The following WSCD2 variants were observed in gnomAD, a reference collection of about 807,000 sequenced individuals.
The protein encoded by WSCD2 is sialate:O-sulfotransferase 2.
Under a neutral mutation model 55.7 loss-of-function variants are expected in WSCD2, and 28 were observed. The observed-to-expected ratio is 0.50, with a 90% CI of 0.37 to 0.69. The LOEUF (loss-of-function observed/expected upper bound fraction) is 0.69, where lower values mean the gene tolerates loss of function less well. Ranked by LOEUF, WSCD2 falls within the 30% of genes least tolerant of loss-of-function variation. WSCD2 has a pLI of 0.00. For missense variants in WSCD2, 616 were observed against 762.1 expected, an observed-to-expected ratio of 0.81 and a Z score of 2.26; for synonymous variants, 301 against 301.9, an observed-to-expected ratio of 1.00 and a Z score of 0.03.
chr12:108,166,761 T>TTTCTTTTC (rs10680980), intron 1 of WSCD2, among the ~76,000 whole-genome samples: 3 of 124,886 alleles, frequency 2.4e-5, no homozygotes, highest in South Asian at 5.5e-4. Flanking sequence ...TCTTTCTTTC[T>TTTCTTTTC]TTTCTTTCTT....
chr12:108,215,950 G>A (rs1011676378), intron 4 of WSCD2, among the ~76,000 whole-genome samples: 5 of 152,330 alleles, frequency 3.3e-5, no homozygotes, highest in African/African-American at 1.2e-4. Flanking sequence ...CTGAGGTCAT[G>A]TACCATCCCA....
At chr12:108,166,621 G>A (rs567181305) in intron 1 of WSCD2, among the ~76,000 whole-genome samples, 1 of 152,080 alleles carries the variant, frequency 6.6e-6, no homozygotes, top group Non-Finnish European at 1.5e-5. Flanking sequence ...TTCTTACGGA[G>A]GTGATGATGT....
chr12:108,241,509 G>C (rs1347484420), intron 8 of WSCD2, among the ~76,000 whole-genome samples: 1 of 152,148 alleles, frequency 6.6e-6, no homozygotes, highest in Non-Finnish European at 1.5e-5. Context: ...TGATAGATGG[G>C]ATAACCTAGG....
At chr12:108,140,517 G>A (rs996554826) in intron 1 of WSCD2, among the ~76,000 whole-genome samples, 4 of 152,230 alleles carry the variant, frequency 2.6e-5, no homozygotes, top group South Asian at 2.1e-4. Context: ...CTGTCTGTCC[G>A]CCTGATTTTG....
At chr12:108,185,941 G>T (rs191650375) in intron 1 of WSCD2, among the ~76,000 whole-genome samples, 4 of 152,334 alleles carry the variant, frequency 2.6e-5, no homozygotes, top group Admixed American at 2.6e-4. Flanking sequence ...TCTTGGGGAA[G>T]AAAGTGATCT....
intron 1 of WSCD2, among the ~76,000 whole-genome samples, chr12:108,172,865 G>A (rs1880377911): frequency 6.6e-6 from 1 of 152,194 alleles, no homozygotes; most frequent in Non-Finnish European, 1.5e-5. Flanking sequence ...GTGCTATGGT[G>A]TGAAAGTTTG....
At chr12:108,215,804 A>G (rs1340584279) in intron 4 of WSCD2, among the ~76,000 whole-genome samples, 2 of 152,172 alleles carry the variant, frequency 1.3e-5, no homozygotes, top group East Asian at 3.8e-4. Context: ...CATTTTTGTG[A>G]AGCTCCAGAA....
intron 1 of WSCD2, among the ~76,000 whole-genome samples, chr12:108,168,744 G>A (rs373148365): frequency 1.2e-4 from 18 of 152,210 alleles, no homozygotes; most frequent in African/African-American, 3.9e-4. Context: ...GGAAAAACAA[G>A]CCTGTGACAT....
At chr12:108,158,576 G>T (rs1878757299) in intron 1 of WSCD2, among the ~76,000 whole-genome samples, 1 of 152,122 alleles carries the variant, frequency 6.6e-6, no homozygotes, top group African/African-American at 2.4e-5. Flanking sequence ...GTGATCTCAG[G>T]TAAGTTGCTT....
At chr12:108,234,000 A>G (rs1889042192) in intron 7 of WSCD2, among the ~76,000 whole-genome samples, 1 of 152,154 alleles carries the variant, frequency 6.6e-6, no homozygotes, top group African/African-American at 2.4e-5. Context: ...CACAAATTAG[A>G]GATAAGAGTA....
intron 1 of WSCD2, among the ~76,000 whole-genome samples, chr12:108,151,056 C>T (rs927334468): frequency 1.3e-5 from 2 of 151,962 alleles, no homozygotes; most frequent in African/African-American, 4.8e-5. Context: ...GGTCAGCACT[C>T]GAGCTTCCCT....
intron 8 of WSCD2, among the ~76,000 whole-genome samples, chr12:108,242,470 C>A (rs181617386): frequency 3.5e-4 from 54 of 152,200 alleles, no homozygotes; most frequent in African/African-American, 1.3e-3. Context: ...CTTGTCAAAG[C>A]TGGAAAAGAC....
chr12:108,207,077 C>G (rs1227706917), intron 3 of WSCD2, among the ~76,000 whole-genome samples: 1 of 150,926 alleles, frequency 6.6e-6, no homozygotes, highest in Admixed American at 6.6e-5. Flanking sequence ...ATTAGACATG[C>G]ACTGGGACTA....
intron 8 of WSCD2, among the ~76,000 whole-genome samples, chr12:108,243,056 C>T (rs1269073609): frequency 1.3e-5 from 2 of 152,214 alleles, no homozygotes; most frequent in Non-Finnish European, 2.9e-5. Flanking sequence ...TCCACTCAGC[C>T]CATTCTTCCC....
intron 8 of WSCD2, among the ~76,000 whole-genome samples, chr12:108,242,843 A>G (rs7970625): frequency 0.24 from 35,825 of 152,164 alleles, 5,368 homozygotes; most frequent in African/African-American, 0.41. Context: ...TACTAAGGAA[A>G]GAGTCAGAAC....
At chr12:108,162,315 G>A (rs965499440) in intron 1 of WSCD2, among the ~76,000 whole-genome samples, 1 of 152,134 alleles carries the variant, frequency 6.6e-6, no homozygotes, top group African/African-American at 2.4e-5. Context: ...TTCATAGGGA[G>A]GAGTCACCAA....
rs532180710 is a variant in WSCD2, at chr12:108,243,118, T to C, written c.1345+2574T>C. On this transcript the variant is annotated intron_variant, in intron 8 of 8. Transcript: ENST00000547525. ...AGACACTTGAGTTTGAGACCCTTGCTTTAAGGTCCTGAATCAGTGGCATCA... is the reference window on the plus strand; with the variant it reads ...AGACACTTGAGTTTGAGACCCTTGCCTTAAGGTCCTGAATCAGTGGCATCA... Among the ~76,000 whole-genome samples, 363 of 152,350 alleles carry C rather than the reference T, an allele frequency of 2.4e-3. 3 individuals carry two copies. The highest frequency in any genetic ancestry group is 8.2e-3 in the African/African-American group (341 of 41,576).
In WSCD2 at chr12:108,240,556, G is replaced by C. The variant is rs1389892001; in HGVS notation, c.1345+12G>C. On this transcript the variant is annotated intron_variant, in intron 8 of 8. Transcript: ENST00000547525. ...CTGGAAGGGCAAAGGTACAGCTCGG[G>C]AGAGGAGGGGAGGGGAGGGGAGGGG... 3 of 1,306,902 alleles carry C rather than the reference G, an allele frequency of 2.3e-6. No individual in the cohort carries two copies. The African/African-American group carries it at 4.5e-5, about 20-fold the overall frequency. 81.0% of individuals were successfully genotyped at this position (1,306,902 alleles called of 1,614,324 possible). A position where few individuals can be genotyped will look rare whatever the true frequency, so the allele number is the denominator to read the frequency against.
At chr12:108,162,483 G>A (rs530945529) in intron 1 of WSCD2, among the ~76,000 whole-genome samples, 1 of 152,204 alleles carries the variant, frequency 6.6e-6, no homozygotes, top group Admixed American at 6.5e-5. Context: ...GTATCAATGT[G>A]CCCCACACAT....
Sources: gnomAD v4.1 joint callset for allele counts (sites outside exome capture counted in the v4.1 genomes callset) on GRCh38, gnomAD v4.1.1 for gene constraint, MANE v1.5 for transcripts, NCBI Gene and HGNC (gene_info 2026-07-23, HGNC 2026-07-21) for gene names.